The following GPATCH8 variants were observed in gnomAD, a reference collection of about 807,000 sequenced individuals.
GPATCH8 encodes G patch domain-containing protein 8.
A neutral mutation model predicts 118.3 loss-of-function variants in GPATCH8; 18 were observed. The observed-to-expected ratio is 0.15, with a 90% CI of 0.11 to 0.23. The LOEUF (loss-of-function observed/expected upper bound fraction) is 0.23, where lower values mean the gene tolerates loss of function less well. Ranked by LOEUF, GPATCH8 falls within the 10% of genes least tolerant of loss-of-function variation. GPATCH8 has a pLI of 1.00. For missense variants in GPATCH8, 1,631 were observed against 1,873.8 expected, an observed-to-expected ratio of 0.87 and a Z score of 2.39; for synonymous variants, 659 against 684.7, an observed-to-expected ratio of 0.96 and a Z score of 0.59.
chr17:44,476,883 TCTC>T (rs1249591126), intron 1 of GPATCH8, among the ~76,000 whole-genome samples: 1 of 152,238 alleles, frequency 6.6e-6, no homozygotes. Flanking sequence ...TTTTCACAGA[TCTC>T]CTTGCTTCAT....
chr17:44,452,937 C>G (rs1280344142), intron 3 of GPATCH8, among the ~76,000 whole-genome samples: 1 of 152,032 alleles, frequency 6.6e-6, no homozygotes, highest in Non-Finnish European at 1.5e-5. Context: ...ATGCGATTCT[C>G]CCACCTCATT....
intron 1 of GPATCH8, among the ~76,000 whole-genome samples, chr17:44,500,465 G>C (rs1969974355): frequency 6.6e-6 from 1 of 152,168 alleles, no homozygotes; most frequent in South Asian, 2.1e-4. Flanking sequence ...AGTGCTTCAA[G>C]TGGCATACCA....
intron 5 of GPATCH8, among the ~76,000 whole-genome samples, chr17:44,431,926 T>C (rs2143995407): frequency 6.6e-6 from 1 of 152,110 alleles, no homozygotes; most frequent in Middle Eastern, 3.4e-3. Context: ...ATCCCATCTC[T>C]ATAAAATTAG....
At chr17:44,416,204 T>G (rs2049676724) in intron 6 of GPATCH8, among the ~76,000 whole-genome samples, 1 of 152,138 alleles carries the variant, frequency 6.6e-6, no homozygotes, top group Non-Finnish European at 1.5e-5. Flanking sequence ...TGGGGTTTCA[T>G]TTCACCATGT....
At chr17:44,425,372 T>C (rs933131603) in intron 5 of GPATCH8, among the ~76,000 whole-genome samples, 1 of 152,248 alleles carries the variant, frequency 6.6e-6, no homozygotes, top group African/African-American at 2.4e-5. Flanking sequence ...TAAGAGCTAC[T>C]TAATCAGTAA....
At chr17:44,477,581 CA>C (rs1340108502) in intron 1 of GPATCH8, among the ~76,000 whole-genome samples, 1 of 150,276 alleles carries the variant, frequency 6.7e-6, no homozygotes, top group African/African-American at 2.5e-5. Context: ...TTATGTTACA[CA>C]TATTTTACCA....
intron 5 of GPATCH8, among the ~76,000 whole-genome samples, chr17:44,425,325 T>A (rs745837409): frequency 3.3e-5 from 5 of 152,188 alleles, no homozygotes; most frequent in Non-Finnish European, 7.3e-5. Flanking sequence ...TCTCAAAGAC[T>A]ATATCTACAG....
At chr17:44,494,456 T>C (rs1969511649) in intron 1 of GPATCH8, among the ~76,000 whole-genome samples, 1 of 152,010 alleles carries the variant, frequency 6.6e-6, no homozygotes, top group African/African-American at 2.4e-5. Flanking sequence ...GCCGGGCATG[T>C]TGGCATGCAC....
chr17:44,420,401 T>A (rs1412887911), intron 6 of GPATCH8, among the ~76,000 whole-genome samples: 1 of 151,912 alleles, frequency 6.6e-6, no homozygotes, highest in African/African-American at 2.4e-5. Flanking sequence ...TAGAATAGGG[T>A]TTTCAACTGC....
At chr17:44,503,165 T>A (rs1273729691) in intron 1 of GPATCH8, among the ~76,000 whole-genome samples, 161 bp downstream of exon 1, 2 of 152,080 alleles carry the variant, frequency 1.3e-5, no homozygotes, top group African/African-American at 2.4e-5. Context: ...GCGGCCTCCC[T>A]CAAGCCGGGA....
In GPATCH8 at chr17:44,458,208, G is replaced by A. The variant is rs562439000; in HGVS notation, c.193+6264C>T. 1.0e-4 allele frequency among the ~76,000 whole-genome samples: 15 copies of A among 147,628 alleles called. No homozygotes were observed. In the East Asian group the frequency reaches 2.7e-3, roughly 26 times the overall value. On this transcript the variant is annotated intron_variant, in intron 3 of 7. Transcript: ENST00000591680. ...CAAGGCTGCAGTGAGCTATGATTAT[G>A]CCACTGTACTCCAGCCTGGGCAACA... is the stretch of plus-strand genomic sequence containing the variant.
chr17:44,430,390 A>G, intron 5 of GPATCH8, among the ~76,000 whole-genome samples: 1 of 151,996 alleles, frequency 6.6e-6, no homozygotes, highest in East Asian at 1.9e-4. Context: ...ACACCACTAC[A>G]ATGTAATACA....
chr17:44,475,665 G>A (rs1364197470), intron 1 of GPATCH8, among the ~76,000 whole-genome samples: 2 of 152,084 alleles, frequency 1.3e-5, no homozygotes, highest in African/African-American at 4.8e-5. Context: ...CTGCATTTCA[G>A]CCTGGGAGAC....
At chr17:44,456,348 T>C (rs2144229358) in intron 3 of GPATCH8, among the ~76,000 whole-genome samples, 1 of 152,342 alleles carries the variant, frequency 6.6e-6, no homozygotes, top group South Asian at 2.1e-4. Flanking sequence ...ATTCCTGGCC[T>C]CAAGCTACCC....
intron 3 of GPATCH8, among the ~76,000 whole-genome samples, chr17:44,456,273 C>T (rs941539810): frequency 1.3e-5 from 2 of 152,138 alleles, no homozygotes. Flanking sequence ...TGTGCCATCA[C>T]ACCTGGTTAA....
chr17:44,424,715 A>G (rs1042195700), intron 5 of GPATCH8, among the ~76,000 whole-genome samples: 2 of 152,234 alleles, frequency 1.3e-5, no homozygotes, highest in Admixed American at 1.3e-4. Flanking sequence ...TAAAAGGACT[A>G]AGGATGCTCA....
At chr17:44,428,869 C>T (rs912363806) in intron 5 of GPATCH8, among the ~76,000 whole-genome samples, 3 of 151,358 alleles carry the variant, frequency 2.0e-5, no homozygotes, top group African/African-American at 7.3e-5. Flanking sequence ...AGGCCAGGCA[C>T]GCTGGCTCAT....
intron 7 of GPATCH8, among the ~76,000 whole-genome samples, chr17:44,403,719 G>C (rs956156254): frequency 3.4e-5 from 5 of 148,828 alleles, no homozygotes; most frequent in African/African-American, 7.5e-5. Flanking sequence ...CCAAGCTGGA[G>C]TTTTGCTCTT....
chr17:44,404,750 G>T (rs1233786763), intron 7 of GPATCH8, among the ~76,000 whole-genome samples: 1 of 152,032 alleles, frequency 6.6e-6, no homozygotes, highest in Non-Finnish European at 1.5e-5. Flanking sequence ...TTGAAAGAAG[G>T]ATCTATTAAA....
Sources: gnomAD v4.1 joint callset for allele counts (sites outside exome capture counted in the v4.1 genomes callset) on GRCh38, gnomAD v4.1.1 for gene constraint, MANE v1.5 for transcripts, NCBI Gene and HGNC (gene_info 2026-07-23, HGNC 2026-07-21) for gene names.